AHI1: variants seen among roughly 807,000 people sequenced by gnomAD.
The protein encoded by AHI1 is jouberin.
Under a neutral mutation model 149.3 loss-of-function variants are expected in AHI1, and 123 were observed. The observed-to-expected ratio is 0.82, with a 90% CI of 0.71 to 0.96. AHI1 has a LOEUF of 0.96. AHI1 is among the 40% of genes least tolerant of loss of function. The probability of loss-of-function intolerance (pLI) is 0.00; values close to 1 mark genes in which losing one functional copy is unlikely to be tolerated. For missense variants in AHI1, 1,439 were observed against 1,422.7 expected, an observed-to-expected ratio of 1.01 and a Z score of -0.18; for synonymous variants, 475 against 459.8, an observed-to-expected ratio of 1.03 and a Z score of -0.42.
At chr6:135,455,951 T>A in intron 9 of AHI1, 25 bp from the exon 10 acceptor site, 1 of 1,349,406 alleles carries the variant, frequency 7.4e-7, no homozygotes, top group Non-Finnish European at 9.7e-7. Context: ...ATACTTCCAT[T>A]AACACAATTT....
At chr6:135,459,108 A>G (rs2128084758) in intron 8 of AHI1, among the ~76,000 whole-genome samples, 1 of 152,312 alleles carries the variant, frequency 6.6e-6, no homozygotes, top group South Asian at 2.1e-4. Context: ...TGAGCATGGA[A>G]TATTTACCAA....
chr6:135,321,770 T>C lies in AHI1; in HGVS notation c.3328+1392A>G, dbSNP rs184444084. Among the ~76,000 whole-genome samples, 4 of 152,324 alleles carry C rather than the reference T, an allele frequency of 2.6e-5. No homozygotes were observed. The Middle Eastern group carries it at 0.01, about 389-fold the overall frequency. ...AAGACTTAAATATTCAAAACACAGA[T>C]TGTTCTCAATTTCAAGGCTGCCTAT... On this transcript the variant is annotated intron_variant, in intron 25 of 28. Coordinates refer to ENST00000265602, the MANE Select transcript of AHI1 (RefSeq NM_001134831.2).
At position 135,433,254 on chromosome 6, in the gene AHI1, A is replaced by G. The variant is rs761596435; in HGVS notation, c.2039T>C (p.Ile680Thr). ...LTSSSDGTAR[I>T]WKNEINNTNT... ...TGTATTGTTTATTTCATTTTTCCAT[A>G]TCCTGGAAAAGGATAAGAAGTTACA... The change falls in exon 16 of 29, where the codon ATA becomes ACA. Residue 680 changes from isoleucine (I) to threonine (T), a missense_variant and splice_region_variant. Physicochemically the swap from Ile to Thr is moderately conservative, Grantham distance 89. Transcript: ENST00000265602. 2.5e-5 allele frequency: 40 copies of G among 1,585,684 alleles called. No individual in the cohort carries two copies. The South Asian group carries it at 4.3e-4, about 17-fold the overall frequency.
chr6:135,304,009 G>C (rs1020533674), intron 26 of AHI1, among the ~76,000 whole-genome samples: 4 of 152,164 alleles, frequency 2.6e-5, no homozygotes, highest in Non-Finnish European at 5.9e-5. Context: ...TTTGACTTTA[G>C]AATGTATGTA....
chr6:135,432,923 A>C, intron 16 of AHI1, 104 bp downstream of exon 16: 14 of 763,258 alleles, frequency 1.8e-5, no homozygotes, highest in Admixed American at 2.3e-5. Flanking sequence ...AAACCTAAAT[A>C]TGCGCAATCA....
At chr6:135,439,982 A>C (rs1316799950) in intron 14 of AHI1, among the ~76,000 whole-genome samples, 4 of 152,350 alleles carry the variant, frequency 2.6e-5, no homozygotes. Flanking sequence ...CTGAAAATTA[A>C]GCAAAGCTTA....
chr6:135,427,521 T>C (rs1784076257), intron 19 of AHI1, among the ~76,000 whole-genome samples: 1 of 151,666 alleles, frequency 6.6e-6, no homozygotes, highest in African/African-American at 2.4e-5. Context: ...TTCTACTTTC[T>C]ACCTCTTCAA....
intron 24 of AHI1, among the ~76,000 whole-genome samples, chr6:135,343,635 G>GAAAA (rs200714419): frequency 7.5e-6 from 1 of 133,858 alleles, no homozygotes; most frequent in African/African-American, 2.7e-5. Flanking sequence ...CCATTAAAAG[G>GAAAA]AAAAAAAAAA....
intron 23 of AHI1, among the ~76,000 whole-genome samples, chr6:135,393,148 T>C (rs1385073637): frequency 3.3e-5 from 5 of 152,090 alleles, no homozygotes; most frequent in South Asian, 2.1e-4. Flanking sequence ...CTATATATAA[T>C]TGTGAAGTCT....
At chr6:135,493,120 T>G (rs566686429) in intron 3 of AHI1, 1 of 264,984 alleles carries the variant, frequency 3.8e-6, no homozygotes, top group African/African-American at 2.3e-5. Flanking sequence ...TGCCTCAGCC[T>G]CCCGAGTGGC....
intron 23 of AHI1, among the ~76,000 whole-genome samples, chr6:135,380,733 C>G (rs1201589531): frequency 5.1e-5 from 4 of 78,686 alleles, no homozygotes; most frequent in Non-Finnish European, 9.0e-5. Context: ...GTAAAATAAC[C>G]CCCCCCCCCC....
At position 135,285,503 on chromosome 6, in the gene AHI1, G is replaced by C. The variant is rs1781571336; in HGVS notation, c.*142C>G. The stretch of plus-strand genomic sequence containing the variant: ...CCACAACTTGATTCTGATTTTTCTA[G>C]AGTCATTCATAAGAACAAGAAGTAG... On this transcript the variant is annotated 3_prime_UTR_variant, in exon 29 of 29. Transcript: ENST00000265602. The C allele has an allele frequency of 2.3e-6, 2 of 871,730 alleles. No individual in the cohort carries two copies. The highest frequency in any genetic ancestry group is 4.4e-5 in the Admixed American group (2 of 45,964). The allele number at this position is 871,730 out of a possible 1,614,324, so 54.0% of individuals were successfully genotyped here.
At chr6:135,457,373 A>G in intron 9 of AHI1, 121 bp downstream of exon 9, 2 of 682,236 alleles carry the variant, frequency 2.9e-6, no homozygotes, top group South Asian at 1.9e-5. Flanking sequence ...TACAACTAGT[A>G]GACTATTCTC....
chr6:135,457,796 GT>G (rs1321752894), intron 8 of AHI1, 83 bp from the exon 9 acceptor site: 5 of 1,289,434 alleles, frequency 3.9e-6, no homozygotes, highest in Non-Finnish European at 5.6e-6. Context: ...TTTAAGATCT[GT>G]GATGATCTCA....
chr6:135,313,875 A>AG (rs1304708557), intron 26 of AHI1, among the ~76,000 whole-genome samples: 2 of 152,072 alleles, frequency 1.3e-5, no homozygotes, highest in African/African-American at 2.4e-5. Context: ...ATACTAAGGG[A>AG]GGGGGGGTCA....
rs1368691324 is a variant in AHI1, at chr6:135,463,172, T to C, written c.884A>G (p.Asp295Gly). The change falls in exon 8 of 29, where the codon GAT becomes GGT. Residue 295 changes from aspartate to glycine, a missense_variant. Asp to Gly is a moderately conservative substitution (Grantham distance 94, BLOSUM62 -1). Coordinates refer to ENST00000265602, the MANE Select transcript of AHI1 (RefSeq NM_001134831.2). ...TTTTTTTGGTTTAGGTTTTGTATCA[T>C]CTTGCATGCTGTCTTCTGTGCTTTG... ...MEQSTEDSMQ[D>G]DTKPKPKKTK... 2.5e-6 allele frequency: 4 copies of C among 1,607,074 alleles called. No individual in the cohort carries two copies. The highest frequency in any genetic ancestry group is 3.4e-5 in the Admixed American group (2 of 59,538).
At chr6:135,313,002 C>G (rs1445571973) in intron 26 of AHI1, among the ~76,000 whole-genome samples, 1 of 152,124 alleles carries the variant, frequency 6.6e-6, no homozygotes, top group African/African-American at 2.4e-5. Context: ...AAGGTAAGGT[C>G]TTGATAAAAT....
At chr6:135,297,234 CACATT>C (rs58409357) in intron 27 of AHI1, among the ~76,000 whole-genome samples, 4,203 of 152,254 alleles carry the variant, frequency 0.028, 209 homozygotes, top group African/African-American at 0.095. Flanking sequence ...TCAAGACACT[CACATT>C]GCATTCTTCT....
chr6:135,347,028 C>T (rs1421001993), intron 24 of AHI1, among the ~76,000 whole-genome samples: 1 of 152,206 alleles, frequency 6.6e-6, no homozygotes, highest in East Asian at 1.9e-4. Flanking sequence ...TATCCACTAG[C>T]CTCAGATCGT....
Sources: gnomAD v4.1 joint callset for allele counts (sites outside exome capture counted in the v4.1 genomes callset) on GRCh38, gnomAD v4.1.1 for gene constraint, MANE v1.5 for transcripts, NCBI Gene and HGNC (gene_info 2026-07-23, HGNC 2026-07-21) for gene names.